Variants in RCVRN observed in about 807,000 individuals in gnomAD.
RCVRN encodes the protein cancer associated retinopathy antigen.
RCVRN carries 23 observed loss-of-function variants against 20.4 expected under a neutral mutation model. That is an observed-to-expected ratio of 1.13 (90% CI 0.81 to 1.60). RCVRN has a LOEUF of 1.60. Ranked by LOEUF, RCVRN falls within the 40% of genes most tolerant of loss-of-function variation. The pLI is 0.00. For missense variants in RCVRN, 254 were observed against 254.2 expected (o/e 1.00, Z 0.00); for synonymous variants, 105 against 105.9 (o/e 0.99, Z 0.05).
chr17:9,898,016 GCA>G lies in RCVRN; in HGVS notation c.*77_*78del, dbSNP rs202021393. ...TGTGTGTGTGCGCGCGCGTGTGTGT[GCA>G]TGTGTGTGTGTGTGCACAGGCGCTC... On this transcript the variant is annotated 3_prime_UTR_variant, in exon 3 of 3. Coordinates refer to ENST00000226193, the MANE Select transcript of RCVRN (RefSeq NM_002903.3). The G allele has an allele frequency of 1.1e-6, 1 of 875,616 alleles. No individual in the cohort carries two copies. The highest frequency in any genetic ancestry group is 1.3e-5 in the South Asian group (1 of 74,960). 54.2% of individuals were successfully genotyped at this position (875,616 alleles called of 1,614,324 possible).
intron 1 of RCVRN, 157 bp from the exon 2 acceptor site, chr17:9,901,257 T>G: frequency 2.2e-6 from 1 of 446,098 alleles, no homozygotes. Context: ...GAGGAAAACG[T>G]AGGGGAAAAG....
intron 1 of RCVRN, 97 bp from the exon 2 acceptor site, chr17:9,901,197 C>A: frequency 1.8e-6 from 1 of 569,008 alleles, no homozygotes; most frequent in South Asian, 3.1e-5. Flanking sequence ...AAAATCTACT[C>A]AAAATGGATT....
chr17:9,898,657 C>T (rs1408361802), intron 2 of RCVRN, among the ~76,000 whole-genome samples: 3 of 152,204 alleles, frequency 2.0e-5, no homozygotes, highest in Non-Finnish European at 2.9e-5. Flanking sequence ...CCCAGAGTCT[C>T]AGCTGAGAAG....
rs116796060 is a variant in RCVRN, at chr17:9,901,557, C to A, written c.382-457G>T. 3.1e-3 allele frequency among the ~76,000 whole-genome samples: 479 copies of A among 152,292 alleles called. 3 individuals carry two copies. Among genetic ancestry groups the A allele is most frequent in the African/African-American group, 0.011 (451 of 41,562 alleles). On this transcript the variant is annotated intron_variant, in intron 1 of 2. Transcript: ENST00000226193. ...GCTTTGAGAAGTTTCCCTTCAGCCC[C>A]CTGGTGCTGGATAAAGGAGTAAAGA...
At chr17:9,903,416 G>T (rs915313808) in intron 1 of RCVRN, among the ~76,000 whole-genome samples, 1 of 152,210 alleles carries the variant, frequency 6.6e-6, no homozygotes, top group Non-Finnish European at 1.5e-5. Flanking sequence ...GTCAGGAGCC[G>T]GGGAGCCACG....
rs771481509 is a variant in RCVRN, at chr17:9,898,131, C to G, written c.567G>C (p.Glu189Asp). The change falls in exon 3 of 3, where the codon GAG becomes GAC. Residue 189 changes from glutamate to aspartate, a missense_variant. Transcript: ENST00000226193. Reference sequence around the variant, plus strand: ...TCATCTTTTCCTTCACTTTTTGAGGCTCAAACTGGATCAGTCGCAGAATTT... The same window carrying G: ...TCATCTTTTCCTTCACTTTTTGAGGGTCAAACTGGATCAGTCGCAGAATTT... The part of the protein sequence containing the change: ...NKEILRLIQF[E>D]PQKVKEKMKN... The G allele has an allele frequency of 5.6e-6, 9 of 1,614,012 alleles. No individual in the cohort carries two copies. Among genetic ancestry groups the G allele is most frequent in the Non-Finnish European group, 7.6e-6 (9 of 1,179,910 alleles).
intron 1 of RCVRN, among the ~76,000 whole-genome samples, chr17:9,901,407 T>G (rs2270115): frequency 0.34 from 50,483 of 146,728 alleles, 10,573 homozygotes; most frequent in East Asian, 0.6. Flanking sequence ...AAAATCAAAA[T>G]GTAACTTATG....
chr17:9,904,740 G>C lies in RCVRN; in HGVS notation c.381+60C>G, dbSNP rs930152326. The stretch of plus-strand genomic sequence containing the variant: ...TCCCTCTGCAGCAGCTGCAGCAGGG[G>C]ACCCCCAGCCCGGAGCGACCCCGGC... On this transcript the variant is annotated intron_variant, in intron 1 of 2. Coordinates refer to ENST00000226193, the MANE Select transcript of RCVRN (RefSeq NM_002903.3). This position sits in a 1 kb window ranked among gnomAD's most constrained non-coding sequence, Gnocchi z 5.8. The C allele has an allele frequency of 3.7e-5, 58 of 1,558,934 alleles. No individual in the cohort carries two copies. The highest frequency in any genetic ancestry group is 7.1e-5 in the Admixed American group (4 of 56,722).
rs1168677101 is a variant in RCVRN at position 9,899,084 on chromosome 17, T to C, written c.494-880A>G. 6.6e-6 allele frequency among the ~76,000 whole-genome samples: 1 copy of C among 152,166 alleles called. No homozygotes were observed. On this transcript the variant is annotated intron_variant, in intron 2 of 2. Transcript: ENST00000226193. This position sits in a 1 kb window ranked among gnomAD's most constrained non-coding sequence, Gnocchi z 4.6. ...GTCCCTCCCTGGGAAACTGTTGACCTGGCGGGGAAGGCAGTCACACGCAGA... is the reference window on the plus strand; with the variant it reads ...GTCCCTCCCTGGGAAACTGTTGACCCGGCGGGGAAGGCAGTCACACGCAGA...
intron 1 of RCVRN, among the ~76,000 whole-genome samples, chr17:9,903,669 A>G (rs541826696): frequency 3.9e-5 from 6 of 152,370 alleles, no homozygotes; most frequent in Non-Finnish European, 7.3e-5. Context: ...AAAAATGTAA[A>G]TATAGTCACG....
intron 1 of RCVRN, among the ~76,000 whole-genome samples, chr17:9,901,637 G>C (rs953568008): frequency 2.0e-5 from 3 of 152,222 alleles, no homozygotes; most frequent in African/African-American, 7.2e-5. Context: ...AAAGCCCTGA[G>C]CTGGACGCCA....
In RCVRN at chr17:9,897,341, T is replaced by G. The variant is rs72822201; in HGVS notation, c.*754A>C. Reference sequence around the variant, plus strand: ...CATTCATGCCTCAGCGGCTCTGTGTTGGCCGCCTTCTGTTTGAGACTTCCC... The same window carrying G: ...CATTCATGCCTCAGCGGCTCTGTGTGGGCCGCCTTCTGTTTGAGACTTCCC... On this transcript the variant is annotated 3_prime_UTR_variant, in exon 3 of 3. Transcript: ENST00000226193. The G allele has an allele frequency of 0.018, 2,736 of 152,192 alleles. 38 individuals are homozygous for G. The highest frequency in any genetic ancestry group is 0.028 in the Non-Finnish European group (1,918 of 68,036). The allele number at this position is 152,192 out of a possible 1,614,324, so 9.4% of individuals were successfully genotyped here. A position where few individuals can be genotyped will look rare whatever the true frequency, so the allele number is the denominator to read the frequency against.
rs977587728 is a variant in RCVRN, at chr17:9,899,898, C to T, written c.493+1091G>A. On this transcript the variant is annotated intron_variant, in intron 2 of 2. Coordinates refer to ENST00000226193, the MANE Select transcript of RCVRN (RefSeq NM_002903.3). This position sits in a 1 kb window ranked among gnomAD's most constrained non-coding sequence, Gnocchi z 4.6. Reference sequence around the variant, plus strand: ...TGCCCTTATTTAGCATCCTGCTCAGCTTTTTCTTCTTGAACCTTGGCAGAA... The same window carrying T: ...TGCCCTTATTTAGCATCCTGCTCAGTTTTTTCTTCTTGAACCTTGGCAGAA... Among the ~76,000 whole-genome samples, 1 of 152,192 alleles carries T rather than the reference C, an allele frequency of 6.6e-6. No individual in the cohort carries two copies.
intron 2 of RCVRN, among the ~76,000 whole-genome samples, chr17:9,898,515 G>T (rs537162337): frequency 6.6e-6 from 1 of 152,270 alleles, no homozygotes; most frequent in African/African-American, 2.4e-5. Context: ...CTGCCTTGCT[G>T]GTTATTAAAT....
At position 9,904,978 on chromosome 17, in the gene RCVRN, T is replaced by G. The variant is rs1227915467; in HGVS notation, c.203A>C (p.His68Pro). 7 of 1,614,136 alleles carry G rather than the reference T, an allele frequency of 4.3e-6. No homozygotes were observed. The South Asian group carries it at 7.7e-5, about 18-fold the overall frequency. Residue 68 changes from histidine to proline, a missense_variant, in exon 1 of 3, where the codon CAT (histidine) becomes CCT (proline). By Grantham distance (77) the His-to-Pro change is moderately conservative. Transcript: ENST00000226193. The surrounding 1 kb of genome is among the most constrained non-coding windows in gnomAD (Gnocchi z 5.8). The part of the protein sequence containing the change: ...PDTDPKAYAQ[H>P]VFRSFDSNLD... ...GTTGGAATCGAAGCTGCGGAACACA[T>G]GCTGGGCGTAGGCCTTGGGGTCGGT...
Position 9,898,034 on chromosome 17 carries a change from A to G in RCVRN, c.*61T>C, listed in dbSNP as rs17744264. The G allele has an allele frequency of 0.2, 210,621 of 1,040,682 alleles. 24,510 individuals carry two copies. Among genetic ancestry groups the G allele is most frequent in the Non-Finnish European group, 0.24 (160,223 of 657,396 alleles). The allele number at this position is 1,040,682 out of a possible 1,614,324, so 64.5% of individuals were successfully genotyped here. On this transcript the variant is annotated 3_prime_UTR_variant, in exon 3 of 3. Coordinates refer to ENST00000226193, the MANE Select transcript of RCVRN (RefSeq NM_002903.3). Reference sequence around the variant, plus strand: ...TGTGTGTGCATGTGTGTGTGTGTGCACAGGCGCTCACGGGTGTCATGTGAG... The same window carrying G: ...TGTGTGTGCATGTGTGTGTGTGTGCGCAGGCGCTCACGGGTGTCATGTGAG...
intron 1 of RCVRN, among the ~76,000 whole-genome samples, chr17:9,902,637 A>C (rs1430989415): frequency 2.0e-5 from 3 of 152,250 alleles, no homozygotes; most frequent in African/African-American, 7.2e-5. Context: ...CCTAATGTCC[A>C]AAAACATAGG....
chr17:9,903,032 G>A (rs1318852122), intron 1 of RCVRN, among the ~76,000 whole-genome samples: 1 of 152,110 alleles, frequency 6.6e-6, no homozygotes, highest in Non-Finnish European at 1.5e-5. Flanking sequence ...TAATGATATG[G>A]AAAGCACTCA....
intron 1 of RCVRN, among the ~76,000 whole-genome samples, chr17:9,901,613 C>T (rs778103552): frequency 2.0e-4 from 30 of 152,184 alleles, no homozygotes; most frequent in African/African-American, 7.0e-4. Context: ...GCAGCAGCGT[C>T]GCTGGCAGCA....
Sources: allele counts gnomAD v4.1 joint callset (sites outside exome capture counted in the v4.1 genomes callset), GRCh38; gene constraint gnomAD v4.1.1; non-coding constraint Gnocchi (gnomAD v3.1); transcripts MANE v1.5; gene names NCBI Gene and HGNC (gene_info 2026-07-23, HGNC 2026-07-21).